Variants in DIP2C observed in about 807,000 individuals in gnomAD.
The protein encoded by DIP2C is DIP2 acetate--CoA ligase C (putative).
Under a neutral mutation model 192.4 loss-of-function variants are expected in DIP2C, and 33 were observed. The ratio of observed to expected loss-of-function variants is 0.17; its 90% CI spans 0.13 to 0.23. The LOEUF (loss-of-function observed/expected upper bound fraction) is 0.23, where lower values mean the gene tolerates loss of function less well. DIP2C is among the 10% of genes least tolerant of loss of function. The probability of loss-of-function intolerance (pLI) is 1.00; values close to 1 mark genes in which losing one functional copy is unlikely to be tolerated. For missense variants in DIP2C, 1,537 were observed against 2,110.1 expected, an observed-to-expected ratio of 0.73 and a Z score of 5.32; for synonymous variants, 979 against 864.1, an observed-to-expected ratio of 1.13 and a Z score of -2.33.
At chr10:650,180 T>C (rs1171662085) in intron 1 of DIP2C, 2 of 717,022 alleles carry the variant, frequency 2.8e-6, no homozygotes, top group Non-Finnish European at 5.2e-6. Flanking sequence ...ACACTGGAGG[T>C]CCTGCGGGGT....
chr10:689,586 G>C lies in DIP2C; in HGVS notation c.-8C>G, dbSNP rs1345490506. The C allele has an allele frequency of 8.6e-7, 1 of 1,158,628 alleles. No homozygotes were observed. Among genetic ancestry groups the C allele is most frequent in the Admixed American group, 4.5e-5 (1 of 22,354 alleles). The allele number at this position is 1,158,628 out of a possible 1,614,324, so 71.8% of individuals were successfully genotyped here. A position where few individuals can be genotyped will look rare whatever the true frequency, so the allele number is the denominator to read the frequency against. On this transcript the variant is annotated 5_prime_UTR_variant, in exon 1 of 37. Coordinates refer to ENST00000280886, the MANE Select transcript of DIP2C (RefSeq NM_014974.3). This position sits in a 1 kb window ranked among gnomAD's most constrained non-coding sequence, Gnocchi z 6.1. ...CAGGCTGCGGTCCGCCATGCTCCGC[G>C]GGCGCCGCGCCCCGCACGGCCTCCT...
intron 1 of DIP2C, chr10:662,888 C>A (rs746492847): frequency 7.0e-6 from 5 of 717,422 alleles, no homozygotes; most frequent in Non-Finnish European, 1.3e-5. Flanking sequence ...CCTAGCCCCA[C>A]GTGGAAGAGG....
At chr10:567,901 A>ATTAT (rs1344984041) in intron 1 of DIP2C, among the ~76,000 whole-genome samples, 1 of 152,142 alleles carries the variant, frequency 6.6e-6, no homozygotes, top group Non-Finnish European at 1.5e-5. Flanking sequence ...AAGCACTGGG[A>ATTAT]TTATAGGTGT....
chr10:379,453 T>C lies in DIP2C; in HGVS notation c.1991+3194A>G, dbSNP rs149838124. 6.1e-3 allele frequency among the ~76,000 whole-genome samples: 925 copies of C among 152,242 alleles called. 4 individuals are homozygous for C. Among genetic ancestry groups the C allele is most frequent in the Middle Eastern group, 0.014 (4 of 294 alleles). Reference sequence around the variant, plus strand: ...TGAAGATACTCCACAGCCAGTGGGCTGTGGGCATCCCTGTCAGACCTGGGG... The same window carrying C: ...TGAAGATACTCCACAGCCAGTGGGCCGTGGGCATCCCTGTCAGACCTGGGG... On this transcript the variant is annotated intron_variant, in intron 17 of 36. Coordinates refer to ENST00000280886, the MANE Select transcript of DIP2C (RefSeq NM_014974.3).
At chr10:378,384 C>T (rs1355206944) in intron 17 of DIP2C, among the ~76,000 whole-genome samples, 2 of 152,204 alleles carry the variant, frequency 1.3e-5, no homozygotes, top group African/African-American at 2.4e-5. Context: ...AACACGAAAA[C>T]AGGCATACAC....
chr10:380,646 A>T (rs1296040634), intron 17 of DIP2C, among the ~76,000 whole-genome samples: 2 of 152,246 alleles, frequency 1.3e-5, no homozygotes, highest in Admixed American at 1.3e-4. Context: ...CTTCTTTAAA[A>T]AACATAAGGA....
chr10:611,058 C>A (rs1167567128), intron 1 of DIP2C, among the ~76,000 whole-genome samples: 1 of 142,392 alleles, frequency 7.0e-6, no homozygotes, highest in South Asian at 2.3e-4. Context: ...TGCTTTCTAA[C>A]ACCCAGTGTT....
chr10:487,770 G>A (rs1489019187), intron 1 of DIP2C, among the ~76,000 whole-genome samples: 2 of 151,812 alleles, frequency 1.3e-5, no homozygotes, highest in Non-Finnish European at 2.9e-5. Flanking sequence ...GTAGAGACAG[G>A]GTTTCACCAT....
At chr10:441,627 G>GT (rs1036589578) in intron 3 of DIP2C, among the ~76,000 whole-genome samples, 1 of 152,064 alleles carries the variant, frequency 6.6e-6, no homozygotes, top group African/African-American at 2.4e-5. Flanking sequence ...CTTCTACCTC[G>GT]TTTTCTCTTG....
rs116006506 is a variant in DIP2C, at chr10:413,625, A to G, written c.1057+288T>C. On this transcript the variant is annotated intron_variant, in intron 8 of 36. Coordinates refer to ENST00000280886, the MANE Select transcript of DIP2C (RefSeq NM_014974.3). Reference sequence around the variant, plus strand: ...GGAAACATAAGGCAGCACAAAATCAATCAGTCACCAGAAGTAACAGACACT... The same window carrying G: ...GGAAACATAAGGCAGCACAAAATCAGTCAGTCACCAGAAGTAACAGACACT... Among the ~76,000 whole-genome samples the G allele has an allele frequency of 4.8e-3, 727 of 152,372 alleles. 3 individuals are homozygous for G. The highest frequency in any genetic ancestry group is 0.016 in the African/African-American group (659 of 41,598).
At chr10:559,969 C>A (rs1303513425) in intron 1 of DIP2C, among the ~76,000 whole-genome samples, 2 of 141,246 alleles carry the variant, frequency 1.4e-5, no homozygotes, top group African/African-American at 5.3e-5. Context: ...CTCACCTCTC[C>A]CCCCCACTCC....
intron 17 of DIP2C, among the ~76,000 whole-genome samples, chr10:375,076 C>G (rs1321892931): frequency 1.3e-5 from 2 of 152,192 alleles, no homozygotes; most frequent in African/African-American, 4.8e-5. Context: ...TATACAATAC[C>G]ACGATGACGT....
intron 6 of DIP2C, among the ~76,000 whole-genome samples, chr10:418,816 T>C (rs1965977662): frequency 6.6e-6 from 1 of 152,258 alleles, no homozygotes; most frequent in African/African-American, 2.4e-5. Flanking sequence ...AAATTTCTTT[T>C]TCTTCTCATG....
At chr10:351,035 C>A (rs541387016) in intron 24 of DIP2C, among the ~76,000 whole-genome samples, 1 of 152,020 alleles carries the variant, frequency 6.6e-6, no homozygotes, top group Non-Finnish European at 1.5e-5. Flanking sequence ...CTGTCGGGAC[C>A]GGACGCTGTG....
Position 681,049 on chromosome 10 carries a change from G to A in DIP2C, c.85+8445C>T, listed in dbSNP as rs564420753. On this transcript the variant is annotated intron_variant, in intron 1 of 36. Transcript: ENST00000280886. The stretch of plus-strand genomic sequence containing the variant: ...TTGCATGGTACAGCTACCGCCTGTG[G>A]CCACGGAAATTCCAGGGAATGCAGG... 3.7e-4 allele frequency among the ~76,000 whole-genome samples: 57 copies of A among 152,254 alleles called. 1 individual carries two copies. The East Asian group carries it at 0.01, about 27-fold the overall frequency.
intron 1 of DIP2C, among the ~76,000 whole-genome samples, chr10:549,175 C>T (rs781241065): frequency 6.6e-6 from 1 of 152,174 alleles, no homozygotes; most frequent in Non-Finnish European, 1.5e-5. Flanking sequence ...CGTTCAAATT[C>T]AATCAACTGC....
intron 10 of DIP2C, among the ~76,000 whole-genome samples, chr10:396,827 G>GC (rs1554842458): frequency 4.8e-5 from 2 of 41,454 alleles, no homozygotes; most frequent in African/African-American, 1.6e-4. Flanking sequence ...CAAATCCGGT[G>GC]GGGGGGGGGG....
chr10:542,568 C>T (rs986323108), intron 1 of DIP2C, among the ~76,000 whole-genome samples: 8 of 152,244 alleles, frequency 5.3e-5, no homozygotes, highest in Non-Finnish European at 1.0e-4. Context: ...AGTAAAAACC[C>T]TCCCAAGCCA....
intron 1 of DIP2C, chr10:667,119 C>T (rs548961668): frequency 2.0e-5 from 3 of 152,352 alleles, no homozygotes; most frequent in Admixed American, 6.5e-5. Flanking sequence ...CTTGGAAGGC[C>T]GAGGCAGGCG....
Sources: gnomAD v4.1 joint callset for allele counts (sites outside exome capture counted in the v4.1 genomes callset) on GRCh38, gnomAD v4.1.1 for gene constraint, Gnocchi (gnomAD v3.1) non-coding constraint, MANE v1.5 for transcripts, NCBI Gene and HGNC (gene_info 2026-07-23, HGNC 2026-07-21) for gene names.